Variants in HTR4 observed in about 807,000 individuals in gnomAD.
The protein encoded by HTR4 is 5-hydroxytryptamine (serotonin) receptor 4, G protein-coupled.
In HTR4, 16 loss-of-function variants were observed where a neutral mutation model predicts 36.8. The observed-to-expected ratio is 0.43, with a 90% CI of 0.29 to 0.66. The LOEUF is 0.66. HTR4 is among the 30% of genes least tolerant of loss of function. The pLI is 0.13. For synonymous variants in HTR4, 189 were observed against 185.1 expected, an observed-to-expected ratio of 1.02 and a Z score of -0.17; for missense variants, 438 against 490.9, an observed-to-expected ratio of 0.89 and a Z score of 1.02.
At chr5:148,533,494 T>A (rs1193540136) in intron 4 of HTR4, among the ~76,000 whole-genome samples, 1 of 152,206 alleles carries the variant, frequency 6.6e-6, no homozygotes, top group East Asian at 1.9e-4. Flanking sequence ...CAGCCATGTA[T>A]TTTAAGCTCC....
intron 2 of HTR4, among the ~76,000 whole-genome samples, chr5:148,623,405 T>C (rs577423029): frequency 2.6e-5 from 4 of 151,792 alleles, no homozygotes; most frequent in African/African-American, 7.3e-5. Flanking sequence ...GGGACAAAAA[T>C]TGGACAAATG....
intron 2 of HTR4, among the ~76,000 whole-genome samples, chr5:148,568,737 T>C (rs1021474656): frequency 6.6e-6 from 1 of 152,168 alleles, no homozygotes; most frequent in Non-Finnish European, 1.5e-5. Flanking sequence ...GTAAAGCTTT[T>C]TGGATGCTAA....
chr5:148,505,579 A>G (rs1415505222), intron 6 of HTR4, among the ~76,000 whole-genome samples: 6 of 152,190 alleles, frequency 3.9e-5, no homozygotes, highest in African/African-American at 1.4e-4. Context: ...GAGGAAGTCA[A>G]ATTGTCCCTG....
At chr5:148,625,199 T>C (rs963748680) in intron 2 of HTR4, among the ~76,000 whole-genome samples, 1 of 152,040 alleles carries the variant, frequency 6.6e-6, no homozygotes, top group African/African-American at 2.4e-5. Flanking sequence ...AAAAAGGTGT[T>C]TGGAGATGAT....
chr5:148,479,695 A>G (rs1755814148), downstream of HTR4, among the ~76,000 whole-genome samples: 1 of 152,216 alleles, frequency 6.6e-6, no homozygotes, highest in Admixed American at 6.5e-5. Flanking sequence ...AATAAATCAT[A>G]GCTATAACTA....
intron 4 of HTR4, among the ~76,000 whole-genome samples, chr5:148,532,389 T>C (rs900163152): frequency 2.0e-5 from 3 of 152,258 alleles, no homozygotes; most frequent in African/African-American, 7.2e-5. Context: ...GCTAGTACAA[T>C]GCCAGATATA....
chr5:148,540,400 GTA>G (rs56021250), intron 4 of HTR4, among the ~76,000 whole-genome samples: 5,316 of 73,426 alleles, frequency 0.072, 248 homozygotes, highest in African/African-American at 0.13. Context: ...TTATGTGTGT[GTA>G]TATATATATA....
intron 2 of HTR4, among the ~76,000 whole-genome samples, chr5:148,610,686 T>C (rs1463937858): frequency 1.3e-5 from 2 of 151,828 alleles, no homozygotes; most frequent in East Asian, 1.9e-4. Context: ...AGAATGACTT[T>C]GATGAGCTGA....
intron 2 of HTR4, among the ~76,000 whole-genome samples, chr5:148,560,009 T>G (rs1760123710): frequency 1.3e-5 from 2 of 152,126 alleles, no homozygotes; most frequent in Non-Finnish European, 2.9e-5. Flanking sequence ...TTCATTTGTT[T>G]CCATATTCTA....
intron 2 of HTR4, among the ~76,000 whole-genome samples, chr5:148,618,980 G>T (rs930598370): frequency 6.6e-6 from 1 of 152,062 alleles, no homozygotes; most frequent in East Asian, 1.9e-4. Flanking sequence ...ATTCTGTGAA[G>T]GTTATATTTT....
intron 5 of HTR4, among the ~76,000 whole-genome samples, chr5:148,458,750 A>C (rs1322534640): frequency 6.6e-6 from 1 of 152,198 alleles, no homozygotes; most frequent in Non-Finnish European, 1.5e-5. Context: ...AGATGAGGGC[A>C]CAAAGTCAGC....
At chr5:148,575,073 A>G (rs1760839643) in intron 2 of HTR4, among the ~76,000 whole-genome samples, 1 of 152,042 alleles carries the variant, frequency 6.6e-6, no homozygotes, top group Non-Finnish European at 1.5e-5. Context: ...CCAGTTGAGA[A>G]GGGCTTCTGG....
At position 148,483,175 on chromosome 5, in the gene HTR4, C is replaced by G. The variant is rs1175946346; in HGVS notation, c.*28G>C. ...ACCTGGCCCTCTTTCGGAGGCATGGCTGTCTTCTGGGTCATTGTCCCAGGG... is the reference window on the plus strand; with the variant it reads ...ACCTGGCCCTCTTTCGGAGGCATGGGTGTCTTCTGGGTCATTGTCCCAGGG... On this transcript the variant is annotated 3_prime_UTR_variant, in exon 7 of 7. Coordinates refer to ENST00000377888, the MANE Select transcript of HTR4 (RefSeq NM_000870.7). The G allele has an allele frequency of 6.2e-7, 1 of 1,613,844 alleles. No homozygotes were observed. Among genetic ancestry groups the G allele is most frequent in the Admixed American group, 1.7e-5 (1 of 60,024 alleles).
At chr5:148,595,993 C>T (rs899697583) in intron 2 of HTR4, among the ~76,000 whole-genome samples, 1 of 152,212 alleles carries the variant, frequency 6.6e-6, no homozygotes, top group South Asian at 2.1e-4. Context: ...CAGCATCCCA[C>T]GGACTTCCGA....
chr5:148,542,437 C>T (rs1053833357), intron 4 of HTR4, among the ~76,000 whole-genome samples: 1 of 152,102 alleles, frequency 6.6e-6, no homozygotes, highest in Non-Finnish European at 1.5e-5. Flanking sequence ...AAACATGCAA[C>T]CTTGAAGTAA....
chr5:148,543,283 G>A (rs536367625), intron 4 of HTR4, among the ~76,000 whole-genome samples: 2 of 152,260 alleles, frequency 1.3e-5, no homozygotes, highest in East Asian at 1.9e-4. Flanking sequence ...GAAGTAAACA[G>A]GGAGAACAAG....
intron 2 of HTR4, 76 bp from the exon 3 acceptor site, chr5:148,550,338 T>C (rs969808886): frequency 3.8e-6 from 6 of 1,559,844 alleles, no homozygotes; most frequent in Non-Finnish European, 5.3e-6. Flanking sequence ...TTTTCATCAT[T>C]GACCTTCAGA....
intron 4 of HTR4, among the ~76,000 whole-genome samples, chr5:148,533,550 C>T (rs1316920781): frequency 1.3e-5 from 2 of 152,198 alleles, no homozygotes; most frequent in Admixed American, 6.5e-5. Flanking sequence ...GAAAATTCTA[C>T]TTCCTCACTT....
intron 6 of HTR4, among the ~76,000 whole-genome samples, chr5:148,500,929 A>C (rs1476672375): frequency 6.6e-6 from 1 of 152,178 alleles, no homozygotes; most frequent in Non-Finnish European, 1.5e-5. Flanking sequence ...GTGTGTTAGG[A>C]TGCCAATATT....
Sources: gnomAD v4.1 joint callset for allele counts (sites outside exome capture counted in the v4.1 genomes callset) on GRCh38, gnomAD v4.1.1 for gene constraint, MANE v1.5 for transcripts, NCBI Gene and HGNC (gene_info 2026-07-23, HGNC 2026-07-21) for gene names.